Variants in GPHN observed in about 807,000 individuals in gnomAD.
GPHN encodes the protein gephyrin.
GPHN carries 17 observed loss-of-function variants against 95.5 expected under a neutral mutation model. The ratio of observed to expected loss-of-function variants is 0.18; its 90% CI spans 0.12 to 0.27. The LOEUF is 0.27. GPHN is among the 10% of genes least tolerant of loss of function. GPHN has a pLI of 1.00. For synonymous variants in GPHN, 320 were observed against 322.5 expected (o/e 0.99, Z 0.08); for missense variants, 660 against 978.1 (o/e 0.67, Z 4.34).
intron 5 of GPHN, among the ~76,000 whole-genome samples, chr14:66,888,156 C>A (rs541361040): frequency 6.6e-6 from 1 of 152,026 alleles, no homozygotes; most frequent in Non-Finnish European, 1.5e-5. Flanking sequence ...AATGCGAATA[C>A]CCAAAAGAGA....
chr14:67,496,216 CTATT>C, the GPHN span, among the ~76,000 whole-genome samples: 11 of 151,716 alleles, frequency 7.3e-5, no homozygotes, highest in Non-Finnish European at 1.0e-4. Flanking sequence ...AATTTTGTAT[CTATT>C]TATTTATTTA....
chr14:67,359,993 G>A, the GPHN span: 11 of 533,588 alleles, frequency 2.1e-5, no homozygotes, highest in Admixed American at 4.0e-4. Context: ...GCTTCCCTGC[G>A]GCTGCGCAAT....
Position 67,074,625 on chromosome 14 carries a change from A to AT in GPHN, c.1145-14356dup, listed in dbSNP as rs1322224205. ...CATTTTAAATCAAAAGCTGGAAATGATTAAGCTTAGTGAGGAAGGCATGTC... is the reference window on the plus strand; with the variant it reads ...CATTTTAAATCAAAAGCTGGAAATGATTTAAGCTTAGTGAGGAAGGCATGTC... On this transcript the variant is annotated intron_variant, in intron 11 of 22. Transcript: ENST00000478722. 2.6e-5 allele frequency among the ~76,000 whole-genome samples: 4 copies of AT among 152,304 alleles called. No homozygotes were observed. The South Asian group carries it at 6.2e-4, about 24-fold the overall frequency.
intron 2 of GPHN, among the ~76,000 whole-genome samples, chr14:66,734,021 T>C (rs898915676): frequency 2.6e-5 from 4 of 152,190 alleles, no homozygotes; most frequent in African/African-American, 4.8e-5. Context: ...CCAACTATAT[T>C]ATCTATTCTA....
the GPHN span, among the ~76,000 whole-genome samples, chr14:67,507,052 GC>G: frequency 6.6e-6 from 1 of 152,134 alleles, no homozygotes; most frequent in Non-Finnish European, 1.5e-5. Context: ...CCTAGCCATA[GC>G]CCAATTCCAT....
the GPHN span, among the ~76,000 whole-genome samples, chr14:67,327,871 C>G: frequency 6.6e-6 from 1 of 152,348 alleles, no homozygotes; most frequent in African/African-American, 2.4e-5. Flanking sequence ...GCCACATTTT[C>G]TTAATCCAGT....
chr14:67,557,235 T>C, the GPHN span: 1 of 1,603,166 alleles, frequency 6.2e-7, no homozygotes, highest in Non-Finnish European at 8.5e-7. Flanking sequence ...GTGTGAGTGA[T>C]GGGAAGACAC....
At chr14:67,546,596 G>T in the GPHN span, among the ~76,000 whole-genome samples, 1 of 152,174 alleles carries the variant, frequency 6.6e-6, no homozygotes, top group East Asian at 1.9e-4. Context: ...CTCCATTTTG[G>T]TCAGGCTGGT....
intron 11 of GPHN, among the ~76,000 whole-genome samples, chr14:67,084,736 C>G (rs1449460340): frequency 1.3e-5 from 2 of 152,038 alleles, no homozygotes; most frequent in Non-Finnish European, 2.9e-5. Flanking sequence ...TGGTAAGAGA[C>G]AGAAGATCAA....
chr14:67,475,349 A>T, the GPHN span, among the ~76,000 whole-genome samples: 1 of 152,340 alleles, frequency 6.6e-6, no homozygotes, highest in African/African-American at 2.4e-5. Flanking sequence ...TGCTATGAAC[A>T]CGGGTGTACA....
At chr14:66,885,739 A>G (rs116882142) in intron 5 of GPHN, among the ~76,000 whole-genome samples, 2,337 of 152,142 alleles carry the variant, frequency 0.015, 31 homozygotes, top group Middle Eastern at 0.044. Context: ...TTAGAAAGTC[A>G]CTATGCATGC....
the GPHN span, chr14:67,562,294 T>C: frequency 6.2e-7 from 1 of 1,613,858 alleles, no homozygotes; most frequent in South Asian, 1.1e-5. Context: ...CTTCCCCAGG[T>C]GCCCTGCAGA....
At chr14:66,947,368 C>T (rs2067823548) in intron 8 of GPHN, among the ~76,000 whole-genome samples, 1 of 152,106 alleles carries the variant, frequency 6.6e-6, no homozygotes, top group Non-Finnish European at 1.5e-5. Flanking sequence ...TTGTTATTTT[C>T]CTTTATAGCA....
the GPHN span, chr14:67,693,044 A>T: frequency 1.9e-6 from 3 of 1,610,656 alleles, no homozygotes; most frequent in Non-Finnish European, 2.5e-6. Context: ...CCCACTGGAC[A>T]GCATTTTCCT....
intron 1 of GPHN, among the ~76,000 whole-genome samples, chr14:66,627,115 G>A (rs191875059): frequency 4.6e-5 from 7 of 152,034 alleles, no homozygotes; most frequent in Admixed American, 6.5e-5. Flanking sequence ...TAAATCTAAT[G>A]AATACCCATA....
At chr14:66,583,625 G>A (rs868064831) in intron 1 of GPHN, among the ~76,000 whole-genome samples, 1 of 151,908 alleles carries the variant, frequency 6.6e-6, no homozygotes, top group Non-Finnish European at 1.5e-5. Flanking sequence ...TTTCCCAGCA[G>A]CATTTATTAA....
At chr14:67,299,297 A>G in the GPHN span, among the ~76,000 whole-genome samples, 4 of 152,198 alleles carry the variant, frequency 2.6e-5, no homozygotes, top group Non-Finnish European at 4.4e-5. Context: ...TGTCAGATAC[A>G]TATATCAAGG....
At chr14:66,862,795 C>CA (rs1447596074) in intron 4 of GPHN, among the ~76,000 whole-genome samples, 1 of 151,908 alleles carries the variant, frequency 6.6e-6, no homozygotes, top group Non-Finnish European at 1.5e-5. Context: ...TAAAAATCCT[C>CA]AAAAAAACTG....
intron 1 of GPHN, among the ~76,000 whole-genome samples, chr14:66,650,513 C>T (rs917051112): frequency 6.6e-6 from 1 of 152,086 alleles, no homozygotes; most frequent in Non-Finnish European, 1.5e-5. Context: ...CATATCTTCC[C>T]CTTTGAGCTA....
Sources: gnomAD v4.1 joint callset for allele counts (sites outside exome capture counted in the v4.1 genomes callset) on GRCh38, gnomAD v4.1.1 for gene constraint, MANE v1.5 for transcripts, NCBI Gene and HGNC (gene_info 2026-07-23, HGNC 2026-07-21) for gene names.